MTMR3: variants seen among roughly 807,000 people sequenced by gnomAD.
The protein encoded by MTMR3 is phosphatidylinositol-3,5-bisphosphate 3-phosphatase MTMR3.
A neutral mutation model predicts 132.4 loss-of-function variants in MTMR3; 32 were observed. The observed-to-expected ratio is 0.24, with a 90% CI of 0.18 to 0.32. The LOEUF is 0.32. Ranked by LOEUF, MTMR3 falls within the 10% of genes least tolerant of loss-of-function variation. MTMR3 has a pLI of 1.00. For missense variants in MTMR3, 1,216 were observed against 1,489.6 expected (o/e 0.82, Z 3.02); for synonymous variants, 556 against 550.3 (o/e 1.01, Z -0.14).
At chr22:30,002,803 G>A in intron 8 of MTMR3, 77 bp from the exon 9 acceptor site, 1 of 1,076,622 alleles carries the variant, frequency 9.3e-7, no homozygotes, top group Admixed American at 1.9e-5. Context: ...GGCTCACCTA[G>A]TGTCTCTCTC....
intron 5 of MTMR3, chr22:29,986,440 GTCT>G (rs1192096123): frequency 4.3e-6 from 2 of 465,546 alleles, no homozygotes; most frequent in Non-Finnish European, 5.6e-6. Flanking sequence ...CTTCTAATCT[GTCT>G]TCTTAATCTC....
At chr22:29,961,511 C>T (rs2066311301) in intron 2 of MTMR3, among the ~76,000 whole-genome samples, 2 of 152,122 alleles carry the variant, frequency 1.3e-5, no homozygotes, top group Admixed American at 6.5e-5. Context: ...TGTCTTTGTA[C>T]ACTCATGTGC....
At chr22:29,918,356 T>G (rs1165195017) in intron 1 of MTMR3, among the ~76,000 whole-genome samples, 2 of 152,236 alleles carry the variant, frequency 1.3e-5, no homozygotes, top group Non-Finnish European at 1.5e-5. Context: ...GGCCATCTGA[T>G]TTAAAATAGC....
chr22:29,961,123 T>C (rs1016952372), intron 2 of MTMR3, among the ~76,000 whole-genome samples: 1 of 152,144 alleles, frequency 6.6e-6, no homozygotes, highest in Admixed American at 6.5e-5. Context: ...ATATGTGTTG[T>C]GTTTTTTTTA....
At chr22:29,967,330 T>G (rs2066447991) in intron 2 of MTMR3, among the ~76,000 whole-genome samples, 1 of 151,570 alleles carries the variant, frequency 6.6e-6, no homozygotes, top group Non-Finnish European at 1.5e-5. Flanking sequence ...CTTGAACTCC[T>G]GAGCTCAAGG....
rs377428278 is a variant in MTMR3, at chr22:30,007,204, A to C, written c.762A>C (p.Val254=). The change falls in exon 10 of 20, where the codon GTA becomes GTC. Residue 254 remains valine, a synonymous_variant. Transcript: ENST00000401950. ...GWRNADDEHL[V]QSVAKACASD... is the part of the protein sequence containing the mutation. ...GAAATGCAGATGATGAGCATCTGGT[A>C]CAGTCAGTAGCCAAAGCTTGTGCCT... is the stretch of plus-strand genomic sequence containing the variant. The C allele has an allele frequency of 1.2e-6, 2 of 1,614,074 alleles. No homozygotes were observed. Among genetic ancestry groups the C allele is most frequent in the African/African-American group, 2.7e-5 (2 of 74,944 alleles).
chr22:30,012,368 T>C lies in MTMR3; in HGVS notation c.1122T>C (p.Asn374=), dbSNP rs1351731284. 6.2e-7 allele frequency: 1 copy of C among 1,612,150 alleles called. No individual in the cohort carries two copies. Among genetic ancestry groups the C allele is most frequent in the Admixed American group, 1.7e-5 (1 of 59,374 alleles). Residue 374 remains asparagine (N), a splice_region_variant and synonymous_variant, in exon 13 of 20, where the codon AAT becomes AAC. Coordinates refer to ENST00000401950, the MANE Select transcript of MTMR3 (RefSeq NM_021090.4). ...TTCTAATCCTCTCCTGTTTTTATAGTTGGCTATCAGCTCTTGAAAGCACAA... is the reference window on the plus strand; with the variant it reads ...TTCTAATCCTCTCCTGTTTTTATAGCTGGCTATCAGCTCTTGAAAGCACAA... ...LLCTQMPDPG[N]WLSALESTKW...
chr22:29,927,941 T>TTTG (rs1175156563), intron 1 of MTMR3, among the ~76,000 whole-genome samples: 11 of 129,880 alleles, frequency 8.5e-5, no homozygotes, highest in Non-Finnish European at 1.6e-4. Context: ...TAGCCTTTGT[T>TTTG]TTTTTTTTTT....
rs539110098 is a variant in MTMR3 at position 30,007,943 on chromosome 22, T to G, written c.920T>G (p.Ile307Ser). Residue 307 changes from isoleucine to serine, a missense_variant, in exon 11 of 20, where the codon ATC (isoleucine) becomes AGC (serine). Physicochemically the swap from Ile to Ser is moderately radical, Grantham distance 142. Around this residue, in one of 7 missense-constraint regions of MTMR3, gnomAD observed 47 missense variants for 46.8 expected, o/e 1.00. Coordinates refer to ENST00000401950, the MANE Select transcript of MTMR3 (RefSeq NM_021090.4). Reference sequence around the variant, plus strand: ...GCTTCAGGAGCAGAGAGTTTAGCCATCCAACCGCAGAAGCTTTTGATCTTG... The same window carrying G: ...GCTTCAGGAGCAGAGAGTTTAGCCAGCCAACCGCAGAAGCTTTTGATCTTG... ...SNASGAESLA[I>S]QPQKLLILDA... The G allele has an allele frequency of 2.7e-4, 429 of 1,613,742 alleles. 3 individuals are homozygous for G. In the South Asian group the frequency reaches 4.4e-3, roughly 17 times the overall value.
chr22:29,950,606 C>T (rs924853679), intron 1 of MTMR3, among the ~76,000 whole-genome samples: 1 of 152,154 alleles, frequency 6.6e-6, no homozygotes, highest in Non-Finnish European at 1.5e-5. Flanking sequence ...GCGTGATCTG[C>T]CCATCTCAGC....
intron 1 of MTMR3, among the ~76,000 whole-genome samples, chr22:29,891,956 C>T (rs975885795): frequency 6.6e-6 from 1 of 151,760 alleles, no homozygotes; most frequent in African/African-American, 2.4e-5. Context: ...AGATCGAGAC[C>T]ATCCTGGCTA....
At chr22:29,980,528 C>G (rs1412369565) in intron 5 of MTMR3, 1 of 152,168 alleles carries the variant, frequency 6.6e-6, no homozygotes. Flanking sequence ...GAATTCCCCA[C>G]CAGCTACTGT....
intron 19 of MTMR3, chr22:30,023,287 G>A (rs919410163): frequency 4.5e-6 from 3 of 673,270 alleles, no homozygotes; most frequent in Admixed American, 2.4e-5. Flanking sequence ...AGAAGAGGAA[G>A]TTTATCTGAA....
intron 1 of MTMR3, among the ~76,000 whole-genome samples, chr22:29,883,623 C>T (rs1402485977): frequency 6.6e-6 from 1 of 152,086 alleles, no homozygotes; most frequent in Non-Finnish European, 1.5e-5. Flanking sequence ...GAGGCGGGGT[C>T]CCGGGCTCGG....
At chr22:29,922,079 T>C (rs1197839317) in intron 1 of MTMR3, among the ~76,000 whole-genome samples, 1 of 151,878 alleles carries the variant, frequency 6.6e-6, no homozygotes, top group Non-Finnish European at 1.5e-5. Context: ...CAGGCTGCAG[T>C]GCAGTGTCGC....
At position 30,023,604 on chromosome 22, in the gene MTMR3, C is replaced by A. The variant is rs924221046; in HGVS notation, c.3425+907C>A. On this transcript the variant is annotated intron_variant, in intron 19 of 19. Coordinates refer to ENST00000401950, the MANE Select transcript of MTMR3 (RefSeq NM_021090.4). ...GGTGAAGCCTGGGGCCTTGGGTGCA[C>A]AGGCAGATAGGTGGGCTTGAGGGGA... 2.4e-6 allele frequency: 3 copies of A among 1,247,732 alleles called. No homozygotes were observed. In the Admixed American group the frequency reaches 5.2e-5, roughly 22 times the overall value. The allele number at this position is 1,247,732 out of a possible 1,614,324, so 77.3% of individuals were successfully genotyped here.
chr22:29,933,528 T>G (rs2065686825), intron 1 of MTMR3, among the ~76,000 whole-genome samples: 1 of 152,172 alleles, frequency 6.6e-6, no homozygotes, highest in South Asian at 2.1e-4. Flanking sequence ...TTACTATCGG[T>G]CAAGTTATTT....
At position 30,020,822 on chromosome 22, in the gene MTMR3, C is replaced by T. The variant is rs144524291; in HGVS notation, c.3163C>T (p.Arg1055Cys). The T allele has an allele frequency of 3.5e-5, 57 of 1,610,984 alleles. No individual in the cohort carries two copies. The highest frequency in any genetic ancestry group is 4.5e-5 in the Non-Finnish European group (53 of 1,178,498). ...LKKQVQELKSRLESQYLTSSL... is the reference protein window; with the variant it reads ...LKKQVQELKSCLESQYLTSSL... ...GAAACAAGTCCAGGAGCTGAAGAGT[C>T]GCCTGGAGAGCCAGTACCTGACCAG... Residue 1055 changes from arginine (R) to cysteine (C), a missense_variant, in exon 17 of 20, where the codon CGC (arginine) becomes TGC (cysteine). Physicochemically the swap from Arg to Cys is radical, Grantham distance 180 (BLOSUM62 -3). Transcript: ENST00000401950.
chr22:29,953,534 A>G (rs2054878122), intron 1 of MTMR3, among the ~76,000 whole-genome samples: 1 of 152,142 alleles, frequency 6.6e-6, no homozygotes, highest in Admixed American at 6.5e-5. Context: ...TTTTACAGAA[A>G]GGGACTTAGA....
Sources: gnomAD v4.1 joint callset for allele counts (sites outside exome capture counted in the v4.1 genomes callset) on GRCh38, gnomAD v4.1.1 for gene constraint, gnomAD v4.1.1 regional missense constraint, MANE v1.5 for transcripts, NCBI Gene and HGNC (gene_info 2026-07-23, HGNC 2026-07-21) for gene names.